KIRREL3: variants seen among roughly 807,000 people sequenced by gnomAD.
The protein encoded by KIRREL3 is kirre like nephrin family adhesion molecule 3, also known as kin of IRRE-like protein 3.
In KIRREL3, 36 loss-of-function variants were observed where a neutral mutation model predicts 89.7. The ratio of observed to expected loss-of-function variants is 0.40; its 90% CI spans 0.31 to 0.53. The LOEUF is 0.53. Ranked by LOEUF, KIRREL3 falls within the 20% of genes least tolerant of loss-of-function variation. The pLI is 0.49. For missense variants in KIRREL3, 864 were observed against 1,056.6 expected (o/e 0.82, Z 2.53); for synonymous variants, 445 against 441.4 (o/e 1.01, Z -0.10).
intron 1 of KIRREL3, among the ~76,000 whole-genome samples, chr11:126,856,392 T>C (rs1944509517): frequency 6.6e-6 from 1 of 152,170 alleles, no homozygotes; most frequent in Non-Finnish European, 1.5e-5. Flanking sequence ...TTGATCTTTC[T>C]AAGTCTTCAT....
intron 1 of KIRREL3, among the ~76,000 whole-genome samples, chr11:126,861,152 A>G (rs569762061): frequency 6.6e-6 from 1 of 152,244 alleles, no homozygotes; most frequent in Admixed American, 6.5e-5. Context: ...GCCCTGGGAA[A>G]ATTAATTTAC....
In KIRREL3 at chr11:127,000,467, GGAA is replaced by G. The variant is rs770176690; in HGVS notation, c.40_42del (p.Phe14del). ...GCAGGGGTCCTACCTTGACTGAAGA[GGAA>G]GAAGCAGACGAAGAGCAGATCGAGC... is the stretch of plus-strand genomic sequence containing the variant. On this transcript the variant is annotated inframe_deletion, in exon 1 of 17. Coordinates refer to ENST00000525144, the MANE Select transcript of KIRREL3 (RefSeq NM_032531.4). The surrounding 1 kb of genome is among the most constrained non-coding windows in gnomAD (Gnocchi z 7.1). The G allele has an allele frequency of 6.2e-7, 1 of 1,607,532 alleles. No individual in the cohort carries two copies. Among genetic ancestry groups the G allele is most frequent in the Non-Finnish European group, 8.5e-7 (1 of 1,177,088 alleles).
Position 126,565,504 on chromosome 11 carries a change from G to A in KIRREL3, c.56-2592C>T, listed in dbSNP as rs1187581523. Among the ~76,000 whole-genome samples, 9 of 152,106 alleles carry A rather than the reference G, an allele frequency of 5.9e-5. No individual in the cohort carries two copies. Among genetic ancestry groups the A allele is most frequent in the East Asian group, 1.9e-4 (1 of 5,194 alleles). On this transcript the variant is annotated intron_variant, in intron 1 of 16. Transcript: ENST00000525144. The surrounding 1 kb of genome is among the most constrained non-coding windows in gnomAD (Gnocchi z 5.4). ...GTGGGTTAGTCTTAATTATTTAGGC[G>A]GCTACGTTACAAGGCGCTAATAAGC...
intron 6 of KIRREL3, among the ~76,000 whole-genome samples, chr11:126,457,969 C>T (rs1591572838): frequency 6.6e-6 from 1 of 152,320 alleles, no homozygotes; most frequent in East Asian, 1.9e-4. Context: ...TCTGGATCCT[C>T]TCCAGAGGCT....
chr11:126,531,587 CT>C lies in KIRREL3; in HGVS notation c.134-4901del, dbSNP rs1262451009. On this transcript the variant is annotated intron_variant, in intron 2 of 16. Transcript: ENST00000525144. The surrounding 1 kb of genome is among the most constrained non-coding windows in gnomAD (Gnocchi z 4.7). The stretch of plus-strand genomic sequence containing the variant: ...AAGGCTCCCCCACCCAAGGCCCCCC[CT>C]AAGCAACCCCACCTATCATTGAAGG... 6.6e-6 allele frequency among the ~76,000 whole-genome samples: 1 copy of C among 151,768 alleles called. No individual in the cohort carries two copies. Among genetic ancestry groups the C allele is most frequent in the Non-Finnish European group, 1.5e-5 (1 of 67,952 alleles).
Position 126,783,786 on chromosome 11 carries a change from T to G in KIRREL3, c.55+216669A>C, listed in dbSNP as rs1420987945. On this transcript the variant is annotated intron_variant, in intron 1 of 16. Transcript: ENST00000525144. The surrounding 1 kb of genome is among the most constrained non-coding windows in gnomAD (Gnocchi z 4.3). ...CCGCTCCTTAAGCGTGGGCTGCACA[T>G]AGTGACTTCCTTCTAAAGAATACAG... is the stretch of plus-strand genomic sequence containing the variant. Among the ~76,000 whole-genome samples the G allele has an allele frequency of 6.6e-6, 1 of 152,198 alleles. No homozygotes were observed. The highest frequency in any genetic ancestry group is 2.4e-5 in the African/African-American group (1 of 41,462).
chr11:126,843,575 T>C lies in KIRREL3; in HGVS notation c.55+156880A>G, dbSNP rs1944036008. ...CGATAACTGGAGTCCCGACGGCTAG[T>C]GAGTGGGACCGTCAGAGGTGTTTGA... On this transcript the variant is annotated intron_variant, in intron 1 of 16. Coordinates refer to ENST00000525144, the MANE Select transcript of KIRREL3 (RefSeq NM_032531.4). This position sits in a 1 kb window ranked among gnomAD's most constrained non-coding sequence, Gnocchi z 4.6. Among the ~76,000 whole-genome samples the C allele has an allele frequency of 1.3e-5, 2 of 152,090 alleles. No homozygotes were observed. The highest frequency in any genetic ancestry group is 4.8e-5 in the African/African-American group (2 of 41,400).
intron 13 of KIRREL3, 40 bp downstream of exon 13, chr11:126,435,228 C>A (rs768782056): frequency 5.6e-6 from 9 of 1,609,382 alleles, no homozygotes; most frequent in Non-Finnish European, 7.7e-6. Flanking sequence ...GAAGTCCCTT[C>A]CCCCCTTCCC....
In KIRREL3 at chr11:126,893,263, C is replaced by T. The variant is rs544962353; in HGVS notation, c.55+107192G>A. Among the ~76,000 whole-genome samples, 117 of 152,270 alleles carry T rather than the reference C, an allele frequency of 7.7e-4. 1 individual carries two copies. Among genetic ancestry groups the T allele is most frequent in the African/African-American group, 2.4e-3 (101 of 41,554 alleles). On this transcript the variant is annotated intron_variant, in intron 1 of 16. Coordinates refer to ENST00000525144, the MANE Select transcript of KIRREL3 (RefSeq NM_032531.4). ...GTTATGTCTGATGCCCCGGAACGTC[C>T]GTCATGCATTGATTTTATCCAGTTC...
At chr11:126,741,012 G>A (rs1160336500) in intron 1 of KIRREL3, among the ~76,000 whole-genome samples, 1 of 152,118 alleles carries the variant, frequency 6.6e-6, no homozygotes, top group Non-Finnish European at 1.5e-5. Context: ...CCACCACAAG[G>A]AGCTCATTCC....
At chr11:126,631,244 T>C (rs1247739887) in intron 1 of KIRREL3, among the ~76,000 whole-genome samples, 1 of 152,144 alleles carries the variant, frequency 6.6e-6, no homozygotes, top group Non-Finnish European at 1.5e-5. Flanking sequence ...CTAGCAGATC[T>C]CTAGTGTTCA....
intron 2 of KIRREL3, among the ~76,000 whole-genome samples, chr11:126,529,074 G>A (rs892808911): frequency 2.0e-5 from 3 of 152,124 alleles, no homozygotes; most frequent in South Asian, 2.1e-4. Flanking sequence ...AGCAGTGCCC[G>A]AGCCCTCTGA....
In KIRREL3 at chr11:126,605,644, C is replaced by T. The variant is rs141731401; in HGVS notation, c.56-42732G>A. ...GTCTACTTGGGTTAATGAAAGTTGT[C>T]GGTTTCACTTAATAAATACATTGCC... On this transcript the variant is annotated intron_variant, in intron 1 of 16. Transcript: ENST00000525144. This position sits in a 1 kb window ranked among gnomAD's most constrained non-coding sequence, Gnocchi z 5.7. 9.6e-4 allele frequency among the ~76,000 whole-genome samples: 146 copies of T among 152,306 alleles called. 1 individual carries two copies. The highest frequency in any genetic ancestry group is 3.4e-3 in the African/African-American group (141 of 41,546).
chr11:126,895,394 C>G (rs1034328737), intron 1 of KIRREL3, among the ~76,000 whole-genome samples: 6 of 143,138 alleles, frequency 4.2e-5, no homozygotes, highest in Non-Finnish European at 7.5e-5. Flanking sequence ...ACCCGGGAGG[C>G]GGAGATTCCA....
At chr11:126,467,186 G>C (rs950175273) in intron 5 of KIRREL3, among the ~76,000 whole-genome samples, 1 of 152,198 alleles carries the variant, frequency 6.6e-6, no homozygotes, top group Non-Finnish European at 1.5e-5. Context: ...GTGACTCTGC[G>C]GGGCCCCAGG....
chr11:126,901,335 A>T (rs975476359), intron 1 of KIRREL3, among the ~76,000 whole-genome samples: 3 of 151,934 alleles, frequency 2.0e-5, no homozygotes, highest in Non-Finnish European at 4.4e-5. Context: ...CTGTTGAAGT[A>T]TTGACAAATG....
At chr11:126,760,612 A>G (rs1949639601) in intron 1 of KIRREL3, among the ~76,000 whole-genome samples, 1 of 152,200 alleles carries the variant, frequency 6.6e-6, no homozygotes, top group African/African-American at 2.4e-5. Context: ...AGAGCAGGAC[A>G]TGGGTAAGTG....
chr11:126,906,561 A>C lies in KIRREL3; in HGVS notation c.55+93894T>G, dbSNP rs1354112060. Among the ~76,000 whole-genome samples, 1 of 152,162 alleles carries C rather than the reference A, an allele frequency of 6.6e-6. No individual in the cohort carries two copies. ...AGAAGTGGATAGGGACCCCCCTGCCATGAAAAACAGCGTTGTTTTTTGTTT... is the reference window on the plus strand; with the variant it reads ...AGAAGTGGATAGGGACCCCCCTGCCCTGAAAAACAGCGTTGTTTTTTGTTT... On this transcript the variant is annotated intron_variant, in intron 1 of 16. Coordinates refer to ENST00000525144, the MANE Select transcript of KIRREL3 (RefSeq NM_032531.4). This position sits in a 1 kb window ranked among gnomAD's most constrained non-coding sequence, Gnocchi z 4.1.
chr11:126,938,562 G>C (rs773716513), intron 1 of KIRREL3, among the ~76,000 whole-genome samples: 34 of 152,294 alleles, frequency 2.2e-4, no homozygotes, highest in South Asian at 1.0e-3. Context: ...CTAGGATTAG[G>C]CAACCAGCTA....
Sources: allele counts gnomAD v4.1 joint callset (sites outside exome capture counted in the v4.1 genomes callset), GRCh38; gene constraint gnomAD v4.1.1; non-coding constraint Gnocchi (gnomAD v3.1); transcripts MANE v1.5; gene names NCBI Gene and HGNC (gene_info 2026-07-23, HGNC 2026-07-21).